AKAP13: variants seen among roughly 807,000 people sequenced by gnomAD.
AKAP13 encodes the protein A-kinase anchor protein 13.
AKAP13 carries 80 observed loss-of-function variants against 264.5 expected under a neutral mutation model. The observed-to-expected ratio is 0.30, with a 90% CI of 0.25 to 0.36. The LOEUF is 0.36. Among genes scored for constraint, AKAP13 ranks in the 10% least tolerant of loss-of-function variants. The probability of loss-of-function intolerance (pLI) is 1.00; values close to 1 mark genes in which losing one functional copy is unlikely to be tolerated. For missense variants in AKAP13, 3,712 were observed against 3,435.2 expected, an observed-to-expected ratio of 1.08 and a Z score of -2.01; for synonymous variants, 1,380 against 1,250.2, an observed-to-expected ratio of 1.10 and a Z score of -2.19.
At position 85,630,234 on chromosome 15, in the gene AKAP13, A is replaced by AACACACACACACACACACAC. The variant is rs71141472; in HGVS notation, c.4162-9126_4162-9107dup. ...ATCATGAACTAAGATGGAAAATTGT[A>AACACACACACACACACACAC]ACACACACACACACACACACACACA... On this transcript the variant is annotated intron_variant, in intron 8 of 36. Transcript: ENST00000394518. 8.5e-3 allele frequency among the ~76,000 whole-genome samples: 1,015 copies of AACACACACACACACACACAC among 119,100 alleles called. 12 individuals carry two copies. Among genetic ancestry groups the AACACACACACACACACACAC allele is most frequent in the East Asian group, 0.038 (151 of 3,986 alleles). The allele number at this position is 119,100 out of a possible 152,430, so 78.1% of individuals were successfully genotyped here.
rs1290506078 is a variant in AKAP13, at chr15:85,580,890, C to T, written c.2822C>T (p.Ala941Val). ...AVTCSSIKEN[A>V]LSSGTLQEEQ... Reference sequence around the variant, plus strand: ...ACCTGTTCCTCTATTAAGGAAAATGCTCTCTCTTCAGGAACTTTGCAGGAA... The same window carrying T: ...ACCTGTTCCTCTATTAAGGAAAATGTTCTCTCTTCAGGAACTTTGCAGGAA... Residue 941 changes from alanine (A) to valine (V), a missense_variant, in exon 7 of 37, where the codon GCT becomes GTT. Transcript: ENST00000394518. 6 of 1,614,072 alleles carry T rather than the reference C, an allele frequency of 3.7e-6. No individual in the cohort carries two copies. In the African/African-American group the frequency reaches 8.0e-5, roughly 22 times the overall value.
chr15:85,459,352 AT>A (rs557848037), intron 1 of AKAP13, among the ~76,000 whole-genome samples: 664 of 130,638 alleles, frequency 5.1e-3, no homozygotes, highest in South Asian at 0.012. Flanking sequence ...CGCCCGGCTA[AT>A]TTTTTTTTTT....
At chr15:85,623,897 A>T (rs757762055) in intron 8 of AKAP13, among the ~76,000 whole-genome samples, 1 of 152,258 alleles carries the variant, frequency 6.6e-6, no homozygotes, top group Non-Finnish European at 1.5e-5. Context: ...AATTGTTGGC[A>T]TGGGCCCTTT....
intron 8 of AKAP13, among the ~76,000 whole-genome samples, chr15:85,600,318 TAA>T (rs5814205): frequency 0.21 from 28,266 of 134,090 alleles, 3,676 homozygotes; most frequent in Middle Eastern, 0.41. Flanking sequence ...AGCTTAGATT[TAA>T]AAAAAAAAAA....
At chr15:85,621,127 AT>A (rs2081168055) in intron 8 of AKAP13, 1 of 152,164 alleles carries the variant, frequency 6.6e-6, no homozygotes, top group Non-Finnish European at 1.5e-5. Flanking sequence ...TATTTTATTG[AT>A]TTATCAATTC....
At chr15:85,464,667 C>G (rs961801919) in intron 1 of AKAP13, among the ~76,000 whole-genome samples, 3 of 152,220 alleles carry the variant, frequency 2.0e-5, no homozygotes, top group Non-Finnish European at 2.9e-5. Context: ...TTAAATTGAG[C>G]TGCTCAAGCT....
rs184497608 is a variant in AKAP13 at position 85,640,514 on chromosome 15, A to T, written c.4237+1065A>T. On this transcript the variant is annotated intron_variant, in intron 9 of 36. Transcript: ENST00000394518. ...ACTTTACTACAAAGGAAATATTGAAAACAAATATGAGAAGTGTTTTTCTCT... is the reference window on the plus strand; with the variant it reads ...ACTTTACTACAAAGGAAATATTGAATACAAATATGAGAAGTGTTTTTCTCT... 6.7e-4 allele frequency among the ~76,000 whole-genome samples: 102 copies of T among 152,300 alleles called. 2 individuals carry two copies. Among genetic ancestry groups the T allele is most frequent in the Admixed American group, 2.2e-3 (33 of 15,296 alleles).
At chr15:85,428,915 C>G (rs2150920142) in intron 1 of AKAP13, among the ~76,000 whole-genome samples, 1 of 152,326 alleles carries the variant, frequency 6.6e-6, no homozygotes, top group Non-Finnish European at 1.5e-5. Context: ...TTATTGAACA[C>G]TTAAGATGTG....
intron 16 of AKAP13, among the ~76,000 whole-genome samples, chr15:85,686,417 C>T (rs1228935528): frequency 1.3e-5 from 2 of 152,166 alleles, no homozygotes; most frequent in Admixed American, 6.5e-5. Flanking sequence ...TGTAAGATCT[C>T]TTGGTTTAGC....
In AKAP13 at chr15:85,645,812, T is replaced by C. The variant is rs1189047981; in HGVS notation, c.4238-6T>C. The C allele has an allele frequency of 2.7e-5, 42 of 1,583,238 alleles. No individual in the cohort carries two copies. The highest frequency in any genetic ancestry group is 3.5e-5 in the Non-Finnish European group (41 of 1,170,666). The stretch of plus-strand genomic sequence containing the variant: ...TCAATATTGGTGAATAAATTCTCTT[T>C]TTCAGAATGTGAGAACTTCCTGGAT... On this transcript the variant is annotated splice_polypyrimidine_tract_variant and splice_region_variant and intron_variant, in intron 9 of 36. Coordinates refer to ENST00000394518, the MANE Select transcript of AKAP13 (RefSeq NM_007200.5).
chr15:85,741,795 A>G (rs1357277976), intron 35 of AKAP13, among the ~76,000 whole-genome samples: 1 of 151,872 alleles, frequency 6.6e-6, no homozygotes, highest in Non-Finnish European at 1.5e-5. Flanking sequence ...TATAAATCCC[A>G]GCACCTTGGG....
At chr15:85,743,975 T>A (rs1037430166) in intron 36 of AKAP13, 150 bp downstream of exon 36, 66 of 882,784 alleles carry the variant, frequency 7.5e-5, no homozygotes, top group Admixed American at 8.7e-5. Flanking sequence ...CTCCGCTTGC[T>A]AAGAGCACTC....
chr15:85,407,266 C>T (rs1306189865), intron 1 of AKAP13, among the ~76,000 whole-genome samples: 1 of 146,384 alleles, frequency 6.8e-6, no homozygotes, highest in African/African-American at 2.6e-5. Flanking sequence ...CTTGCTCTGT[C>T]ACCCAGGCTG....
intron 8 of AKAP13, among the ~76,000 whole-genome samples, chr15:85,594,039 A>G (rs1259245704): frequency 1.3e-5 from 2 of 152,228 alleles, no homozygotes; most frequent in Non-Finnish European, 2.9e-5. Context: ...TTTAAATGCA[A>G]TAGATATAAT....
chr15:85,730,371 A>G, intron 29 of AKAP13, 142 bp from the exon 30 acceptor site: 1 of 773,168 alleles, frequency 1.3e-6, no homozygotes, highest in South Asian at 1.8e-5. Context: ...TGTCTTGATG[A>G]AAAAGAAAAG....
intron 1 of AKAP13, among the ~76,000 whole-genome samples, chr15:85,409,848 G>C (rs1362373587): frequency 6.7e-6 from 1 of 149,676 alleles, no homozygotes; most frequent in African/African-American, 2.5e-5. Flanking sequence ...AGCCAGGATG[G>C]TCTCTATATC....
rs542243838 is a variant in AKAP13 at position 85,394,480 on chromosome 15, ACT to A, written c.-12+13685_-12+13686del. ...AGGCCAGGATGTTGTTGGAGCAGAGACTCTGGCAAATGAATGGAGCATGCATG... is the reference window on the plus strand; with the variant it reads ...AGGCCAGGATGTTGTTGGAGCAGAGACTGGCAAATGAATGGAGCATGCATG... On this transcript the variant is annotated intron_variant, in intron 1 of 36. Coordinates refer to ENST00000394518, the MANE Select transcript of AKAP13 (RefSeq NM_007200.5). 6.6e-5 allele frequency among the ~76,000 whole-genome samples: 10 copies of A among 152,240 alleles called. No homozygotes were observed. In the South Asian group the frequency reaches 1.2e-3, roughly 19 times the overall value.
At chr15:85,679,558 C>T (rs1040485101) in intron 14 of AKAP13, among the ~76,000 whole-genome samples, 3 of 152,114 alleles carry the variant, frequency 2.0e-5, no homozygotes, top group African/African-American at 7.2e-5. Flanking sequence ...AGGCAGTGTT[C>T]AATATACTGT....
chr15:85,674,138 G>A (rs778461391), intron 14 of AKAP13, among the ~76,000 whole-genome samples: 7 of 151,878 alleles, frequency 4.6e-5, no homozygotes, highest in African/African-American at 1.2e-4. Flanking sequence ...CCCGTTAGAC[G>A]TTTTAACTTC....
Sources: allele counts gnomAD v4.1 joint callset (sites outside exome capture counted in the v4.1 genomes callset), GRCh38; gene constraint gnomAD v4.1.1; transcripts MANE v1.5; gene names NCBI Gene and HGNC (gene_info 2026-07-23, HGNC 2026-07-21).